The following SUMF1 variants were observed in gnomAD, a reference collection of about 807,000 sequenced individuals.
SUMF1 encodes sulfatase modifying factor 1, also known as formylglycine-generating enzyme.
Under a neutral mutation model 47.6 loss-of-function variants are expected in SUMF1, and 48 were observed. The ratio of observed to expected loss-of-function variants is 1.01; its 90% CI spans 0.80 to 1.28. The LOEUF is 1.28. Ranked by LOEUF, SUMF1 falls within the 50% of genes most tolerant of loss-of-function variation. SUMF1 has a pLI of 0.00. For missense variants in SUMF1, 571 were observed against 485.4 expected, an observed-to-expected ratio of 1.18 and a Z score of -1.66; for synonymous variants, 230 against 192.1, an observed-to-expected ratio of 1.20 and a Z score of -1.63.
At chr3:4,463,309 G>A (rs904655491) in intron 1 of SUMF1, among the ~76,000 whole-genome samples, 4 of 152,128 alleles carry the variant, frequency 2.6e-5, no homozygotes, top group African/African-American at 9.7e-5. Context: ...GGCCAACGTG[G>A]TAAAACCCCG....
chr3:4,057,224 G>C (rs760718300), intron 9 of SUMF1, among the ~76,000 whole-genome samples: 2 of 152,142 alleles, frequency 1.3e-5, no homozygotes, highest in African/African-American at 2.4e-5. Flanking sequence ...CTGTCACTGA[G>C]AGGGAGTATG....
At chr3:4,122,751 C>T (rs1309045102) in intron 8 of SUMF1, among the ~76,000 whole-genome samples, 1 of 152,156 alleles carries the variant, frequency 6.6e-6, no homozygotes, top group South Asian at 2.1e-4. Flanking sequence ...ATGTGGTTAA[C>T]TAGTAGGAGA....
At position 4,153,524 on chromosome 3, in the gene SUMF1, T is replaced by G. The variant is rs61192174; in HGVS notation, c.1015-84779A>C. 4.3e-3 allele frequency among the ~76,000 whole-genome samples: 295 copies of G among 68,430 alleles called. 10 individuals carry two copies. Among genetic ancestry groups the G allele is most frequent in the African/African-American group, 8.2e-3 (198 of 24,156 alleles). The allele number at this position is 68,430 out of a possible 152,430, so 44.9% of individuals were successfully genotyped here. ...AGCCACAATGCCCCGCCTTGTAGGT[T>G]TTTTTTTTTTTTACTGTATTTCCAG... On this transcript the variant is annotated intron_variant and NMD_transcript_variant, in intron 8 of 12. Transcript: ENST00000448413.
chr3:4,036,369 CT>C (rs1694795986), intron 9 of SUMF1, among the ~76,000 whole-genome samples: 1 of 152,068 alleles, frequency 6.6e-6, no homozygotes, highest in African/African-American at 2.4e-5. Context: ...GAACTCTGCC[CT>C]TCCAGATGTT....
chr3:4,268,503 T>TC (rs1273035407), intron 8 of SUMF1, among the ~76,000 whole-genome samples: 4 of 148,612 alleles, frequency 2.7e-5, no homozygotes, highest in Non-Finnish European at 5.9e-5. Context: ...GTTTTTCTTT[T>TC]TTTTTTTTTT....
intron 8 of SUMF1, among the ~76,000 whole-genome samples, chr3:4,170,507 G>A (rs775718433): frequency 6.6e-6 from 1 of 152,144 alleles, no homozygotes; most frequent in Non-Finnish European, 1.5e-5. Flanking sequence ...ATAAGGAAGG[G>A]CAGTTAATTT....
At chr3:4,076,929 G>A (rs919115030) in intron 8 of SUMF1, among the ~76,000 whole-genome samples, 9 of 152,106 alleles carry the variant, frequency 5.9e-5, no homozygotes, top group South Asian at 2.1e-4. Flanking sequence ...GCGTGAACCC[G>A]AGAGGCAGAG....
At chr3:4,198,364 A>T (rs1478979438) in intron 8 of SUMF1, among the ~76,000 whole-genome samples, 4 of 152,150 alleles carry the variant, frequency 2.6e-5, no homozygotes, top group Non-Finnish European at 5.9e-5. Context: ...GAAGGAAGTT[A>T]TCTCTTGATT....
intron 8 of SUMF1, among the ~76,000 whole-genome samples, chr3:4,260,207 C>T (rs756211861): frequency 2.9e-4 from 44 of 152,118 alleles, no homozygotes; most frequent in East Asian, 2.5e-3. Context: ...TGCAAATGCT[C>T]GCACAGGGAC....
intron 8 of SUMF1, among the ~76,000 whole-genome samples, chr3:4,347,420 C>A (rs1302725631): frequency 6.6e-6 from 1 of 152,110 alleles, no homozygotes; most frequent in Non-Finnish European, 1.5e-5. Context: ...TAAACAGAAC[C>A]AATGACAAAA....
At chr3:4,188,991 C>G (rs1165236336) in intron 8 of SUMF1, among the ~76,000 whole-genome samples, 2 of 152,082 alleles carry the variant, frequency 1.3e-5, no homozygotes, top group Admixed American at 6.6e-5. Context: ...TTTTGACCGA[C>G]AAAAACAATT....
At chr3:4,173,534 C>T (rs1694879618) in intron 8 of SUMF1, among the ~76,000 whole-genome samples, 2 of 152,156 alleles carry the variant, frequency 1.3e-5, no homozygotes, top group East Asian at 1.9e-4. Flanking sequence ...AATGGGTATA[C>T]ACCCAAAGGG....
At chr3:4,433,971 A>G (rs936480086) in intron 3 of SUMF1, among the ~76,000 whole-genome samples, 1 of 152,254 alleles carries the variant, frequency 6.6e-6, no homozygotes, top group Non-Finnish European at 1.5e-5. Flanking sequence ...CGAAGGAAGG[A>G]CATTCTGATA....
intron 8 of SUMF1, among the ~76,000 whole-genome samples, chr3:4,248,307 C>T (rs1015192243): frequency 6.6e-6 from 1 of 152,142 alleles, no homozygotes. Context: ...GTTTTAACTA[C>T]AAGAACCACA....
intron 8 of SUMF1, among the ~76,000 whole-genome samples, chr3:4,328,182 A>G (rs1698982812): frequency 6.6e-6 from 1 of 152,190 alleles, no homozygotes; most frequent in Non-Finnish European, 1.5e-5. Context: ...GTGACACTGT[A>G]CATTCCAGCC....
chr3:4,223,554 G>A (rs1437663967), intron 8 of SUMF1, among the ~76,000 whole-genome samples: 3 of 152,118 alleles, frequency 2.0e-5, no homozygotes, highest in African/African-American at 7.2e-5. Flanking sequence ...TTCGTGACAT[G>A]AGACAGAGGC....
At chr3:4,341,890 T>C (rs915009922) in intron 8 of SUMF1, among the ~76,000 whole-genome samples, 1 of 152,216 alleles carries the variant, frequency 6.6e-6, no homozygotes, top group Non-Finnish European at 1.5e-5. Context: ...TTGAAAATAC[T>C]CCAATTCCAG....
chr3:4,376,160 C>G (rs565582145), intron 8 of SUMF1, among the ~76,000 whole-genome samples, 170 bp downstream of exon 8: 2 of 152,326 alleles, frequency 1.3e-5, no homozygotes, highest in South Asian at 4.1e-4. Flanking sequence ...TTACTTTTCT[C>G]CATGCTTGTA....
At chr3:4,216,272 C>T (rs1317310709) in intron 8 of SUMF1, among the ~76,000 whole-genome samples, 2 of 152,158 alleles carry the variant, frequency 1.3e-5, no homozygotes, top group Non-Finnish European at 2.9e-5. Context: ...AGAAACCTGA[C>T]ACAAACAAGC....
Sources: allele counts gnomAD v4.1 joint callset (sites outside exome capture counted in the v4.1 genomes callset), GRCh38; gene constraint gnomAD v4.1.1; transcripts MANE v1.5; gene names NCBI Gene and HGNC (gene_info 2026-07-23, HGNC 2026-07-21).